The following ALPK2 variants were observed in gnomAD, a reference collection of about 807,000 sequenced individuals.
The protein encoded by ALPK2 is alpha-protein kinase 2.
In ALPK2, 127 loss-of-function variants were observed where a neutral mutation model predicts 163.1. The observed-to-expected ratio is 0.78, with a 90% CI of 0.67 to 0.90. The LOEUF (loss-of-function observed/expected upper bound fraction) is 0.90. Ranked by LOEUF, ALPK2 falls within the 40% of genes least tolerant of loss-of-function variation. The pLI, the probability that ALPK2 is intolerant of heterozygous loss-of-function variation, is 0.00. For synonymous variants in ALPK2, 953 were observed against 959.1 expected (o/e 0.99, Z 0.12); for missense variants, 2,360 against 2,589.6 (o/e 0.91, Z 1.92).
intron 12 of ALPK2, among the ~76,000 whole-genome samples, chr18:58,497,162 A>G (rs2051405024): frequency 6.6e-6 from 1 of 152,204 alleles, no homozygotes; most frequent in African/African-American, 2.4e-5. Flanking sequence ...GCAAGTAACA[A>G]ACTAGCTTTT....
chr18:58,604,937 A>AT (rs2052090171), intron 3 of ALPK2, among the ~76,000 whole-genome samples: 1 of 152,270 alleles, frequency 6.6e-6, no homozygotes, highest in South Asian at 2.1e-4. Context: ...TCCTCCATTC[A>AT]TTTATACCCT....
intron 12 of ALPK2, among the ~76,000 whole-genome samples, chr18:58,494,885 A>G (rs1312342143): frequency 1.3e-5 from 2 of 152,120 alleles, no homozygotes; most frequent in East Asian, 3.9e-4. Flanking sequence ...GTCTGTCCTC[A>G]TGAGTTATCT....
chr18:58,601,187 T>C (rs1018639931), intron 3 of ALPK2, among the ~76,000 whole-genome samples: 2 of 151,356 alleles, frequency 1.3e-5, no homozygotes, highest in African/African-American at 4.9e-5. Context: ...ACCTGGGAGG[T>C]GGAGGTTGCA....
intron 3 of ALPK2, among the ~76,000 whole-genome samples, chr18:58,588,598 C>T (rs1023867332): frequency 2.6e-5 from 4 of 152,098 alleles, no homozygotes; most frequent in African/African-American, 9.7e-5. Flanking sequence ...CCCTGTCCAC[C>T]GACAGGCCCC....
intron 4 of ALPK2, among the ~76,000 whole-genome samples, chr18:58,556,209 G>A (rs1487865285): frequency 6.8e-6 from 1 of 146,834 alleles, no homozygotes; most frequent in Non-Finnish European, 1.5e-5. Flanking sequence ...CATGAGGTAT[G>A]CAGTGAACAG....
At chr18:58,567,223 T>C (rs938070028) in intron 4 of ALPK2, among the ~76,000 whole-genome samples, 4 of 129,246 alleles carry the variant, frequency 3.1e-5, no homozygotes, top group Admixed American at 1.5e-4. Flanking sequence ...CTGTCTCTAC[T>C]TAAAAAAAAA....
chr18:58,615,450 T>C (rs191898043), intron 1 of ALPK2, among the ~76,000 whole-genome samples: 29 of 152,282 alleles, frequency 1.9e-4, no homozygotes, highest in African/African-American at 6.0e-4. Flanking sequence ...AGGCAAGGCA[T>C]TGAACCTACC....
intron 3 of ALPK2, among the ~76,000 whole-genome samples, chr18:58,606,336 T>C (rs543858022): frequency 6.6e-6 from 1 of 152,260 alleles, no homozygotes; most frequent in Admixed American, 6.5e-5. Context: ...TGCCTCACCC[T>C]CCCAAAGTGC....
chr18:58,537,964 C>G lies in ALPK2; in HGVS notation c.2223G>C (p.Gln741His), dbSNP rs1314334831. Residue 741 changes from glutamine (Q) to histidine (H), a missense_variant, in exon 5 of 13, where the codon CAG becomes CAC. Coordinates refer to ENST00000361673, the MANE Select transcript of ALPK2 (RefSeq NM_052947.4). ...DNFREDLKYE[Q>H]SISEANDETM... Reference sequence around the variant, plus strand: ...TCTCATCATTGGCTTCTGAGATGCTCTGCTCATATTTTAGGTCTTCCCTGA... The same window carrying G: ...TCTCATCATTGGCTTCTGAGATGCTGTGCTCATATTTTAGGTCTTCCCTGA... 1.2e-6 allele frequency: 2 copies of G among 1,614,218 alleles called. No individual in the cohort carries two copies. Among genetic ancestry groups the G allele is most frequent in the Admixed American group, 1.7e-5 (1 of 60,034 alleles).
intron 10 of ALPK2, among the ~76,000 whole-genome samples, chr18:58,512,764 GTA>G (rs2051497831): frequency 6.7e-6 from 1 of 150,004 alleles, no homozygotes; most frequent in Non-Finnish European, 1.5e-5. Flanking sequence ...GTGTGTATGT[GTA>G]TGTGTGTGGT....
chr18:58,591,980 A>T (rs1253850117), intron 3 of ALPK2, among the ~76,000 whole-genome samples: 1 of 152,166 alleles, frequency 6.6e-6, no homozygotes, highest in Non-Finnish European at 1.5e-5. Context: ...AGGGGTTTAG[A>T]CCTCAGGTTC....
intron 4 of ALPK2, among the ~76,000 whole-genome samples, chr18:58,550,144 G>A (rs2051743506): frequency 6.6e-6 from 1 of 152,018 alleles, no homozygotes; most frequent in Non-Finnish European, 1.5e-5. Context: ...AGACTGTAAG[G>A]TTATTGTCCT....
chr18:58,573,852 A>G (rs545887495), intron 4 of ALPK2, among the ~76,000 whole-genome samples: 4 of 152,080 alleles, frequency 2.6e-5, no homozygotes, highest in Admixed American at 2.6e-4. Flanking sequence ...AACTTGAAGC[A>G]CCATGCAAGA....
chr18:58,578,815 TGAG>T lies in ALPK2; in HGVS notation c.1958_1960del (p.Pro653del), dbSNP rs2051937556. On this transcript the variant is annotated inframe_deletion and splice_region_variant, in exon 4 of 13. Transcript: ENST00000361673. ...ATTTCTTTAAAAGAAAAGTCTTACCTGAGGAGGATCACTCCAGTCTGGAACCTG... is the reference window on the plus strand; with the variant it reads ...ATTTCTTTAAAAGAAAAGTCTTACCTGAGGATCACTCCAGTCTGGAACCTG... 1 of 1,608,306 alleles carries T rather than the reference TGAG, an allele frequency of 6.2e-7. No homozygotes were observed. The highest frequency in any genetic ancestry group is 2.2e-5 in the East Asian group (1 of 44,582).
At chr18:58,614,430 C>A (rs981423967) in intron 1 of ALPK2, among the ~76,000 whole-genome samples, 3 of 152,146 alleles carry the variant, frequency 2.0e-5, no homozygotes, top group African/African-American at 7.2e-5. Flanking sequence ...TGACATGGGG[C>A]TCCGGTTCAT....
intron 11 of ALPK2, among the ~76,000 whole-genome samples, chr18:58,498,486 A>C (rs142452533): frequency 2.0e-5 from 3 of 152,236 alleles, no homozygotes; most frequent in Non-Finnish European, 4.4e-5. Context: ...CCGTTCTTCA[A>C]TGAAAGTGGA....
intron 4 of ALPK2, chr18:58,543,491 G>T: frequency 1.5e-6 from 1 of 670,136 alleles, no homozygotes; most frequent in Non-Finnish European, 1.8e-6. Flanking sequence ...AGAGAGGGCA[G>T]CAGAAAGGGT....
At chr18:58,615,791 G>C (rs1275858225) in intron 1 of ALPK2, among the ~76,000 whole-genome samples, 4 of 152,224 alleles carry the variant, frequency 2.6e-5, no homozygotes, top group Non-Finnish European at 5.9e-5. Flanking sequence ...CAGCTGTCAA[G>C]AGCTGGGCTG....
intron 5 of ALPK2, among the ~76,000 whole-genome samples, chr18:58,534,306 GA>G (rs10714070): frequency 0.85 from 128,665 of 151,982 alleles, 55,346 homozygotes; most frequent in Non-Finnish European, 0.93. Flanking sequence ...AAATTTGGAA[GA>G]AAAAACCAAG....
Sources: gnomAD v4.1 joint callset for allele counts (sites outside exome capture counted in the v4.1 genomes callset) on GRCh38, gnomAD v4.1.1 for gene constraint, MANE v1.5 for transcripts, NCBI Gene and HGNC (gene_info 2026-07-23, HGNC 2026-07-21) for gene names.